Variants in TAFA1 observed in about 807,000 individuals in gnomAD.
The protein encoded by TAFA1 is chemokine-like protein TAFA-1.
A neutral mutation model predicts 18.5 loss-of-function variants in TAFA1; 4 were observed. The observed-to-expected ratio is 0.22, with a 90% CI of 0.11 to 0.49. The LOEUF (loss-of-function observed/expected upper bound fraction) is 0.49, where lower values mean the gene tolerates loss of function less well. Among genes scored for constraint, TAFA1 ranks in the 20% least tolerant of loss-of-function variants. The probability of loss-of-function intolerance (pLI) is 0.98; values close to 1 mark genes in which losing one functional copy is unlikely to be tolerated. For missense variants in TAFA1, 147 were observed against 169.0 expected (o/e 0.87, Z 0.72); for synonymous variants, 56 against 55.2 (o/e 1.01, Z -0.06).
intron 2 of TAFA1, among the ~76,000 whole-genome samples, chr3:68,189,158 T>C (rs996891294): frequency 3.3e-4 from 50 of 151,924 alleles, no homozygotes; most frequent in Admixed American, 9.2e-4. Context: ...TTCCCATGGC[T>C]GGGCACATGG....
chr3:68,049,391 A>G (rs1241790096), intron 2 of TAFA1, among the ~76,000 whole-genome samples: 1 of 152,058 alleles, frequency 6.6e-6, no homozygotes, highest in African/African-American at 2.4e-5. Context: ...CTGCAGATGA[A>G]GAATTATGGT....
Position 68,098,683 on chromosome 3 carries a change from C to T in TAFA1, c.118+91939C>T, listed in dbSNP as rs140532665. ...TAGAGGGAGATACGAATGCTATGAG[C>T]ATATTACTAATAGCCAAAGCAATCC... On this transcript the variant is annotated intron_variant, in intron 2 of 4. Transcript: ENST00000478136. 1.8e-4 allele frequency among the ~76,000 whole-genome samples: 27 copies of T among 151,990 alleles called. No individual in the cohort carries two copies. In the East Asian group the frequency reaches 4.3e-3, roughly 24 times the overall value.
chr3:68,184,683 T>A (rs755808112), intron 2 of TAFA1, among the ~76,000 whole-genome samples: 15 of 152,082 alleles, frequency 9.9e-5, no homozygotes, highest in Non-Finnish European at 2.1e-4. Flanking sequence ...AATATTAGGT[T>A]TGATTAAATG....
chr3:68,292,205 G>A (rs191126451), intron 2 of TAFA1, among the ~76,000 whole-genome samples: 266 of 152,036 alleles, frequency 1.7e-3, no homozygotes, highest in Non-Finnish European at 1.7e-3. Context: ...ATTCTTAGTA[G>A]CTGTGTCTTA....
chr3:68,430,240 T>C (rs1301581696), intron 3 of TAFA1, among the ~76,000 whole-genome samples: 1 of 151,846 alleles, frequency 6.6e-6, no homozygotes. Context: ...AAGCCTGAAA[T>C]GTGAGGTACA....
chr3:68,268,712 T>G (rs919035140), intron 2 of TAFA1, among the ~76,000 whole-genome samples: 1 of 152,272 alleles, frequency 6.6e-6, no homozygotes, highest in Non-Finnish European at 1.5e-5. Flanking sequence ...GATTGACATT[T>G]CCACTCTGCT....
intron 3 of TAFA1, among the ~76,000 whole-genome samples, chr3:68,503,678 T>C (rs980477550): frequency 7.9e-5 from 12 of 152,150 alleles, no homozygotes; most frequent in South Asian, 4.1e-4. Flanking sequence ...TCATGAGTTT[T>C]AGTTATGTGA....
rs1167146239 is a variant in TAFA1 at position 68,473,587 on chromosome 3, G to T, written c.259+56167G>T. Among the ~76,000 whole-genome samples, 3 of 152,206 alleles carry T rather than the reference G, an allele frequency of 2.0e-5. No homozygotes were observed. The East Asian group carries it at 5.8e-4, about 29-fold the overall frequency. ...CAGAGAGCAACAGCCTTGTTGTTTGGTTTGCATCCTTCCCAACCAGAATTG... is the reference window on the plus strand; with the variant it reads ...CAGAGAGCAACAGCCTTGTTGTTTGTTTTGCATCCTTCCCAACCAGAATTG... On this transcript the variant is annotated intron_variant, in intron 3 of 4. Coordinates refer to ENST00000478136, the MANE Select transcript of TAFA1 (RefSeq NM_213609.4).
At chr3:68,359,702 A>T (rs1392915893) in intron 2 of TAFA1, among the ~76,000 whole-genome samples, 1 of 151,982 alleles carries the variant, frequency 6.6e-6, no homozygotes, top group Non-Finnish European at 1.5e-5. Context: ...GCTGTAAAAT[A>T]ATAAATTGGT....
intron 2 of TAFA1, among the ~76,000 whole-genome samples, chr3:68,183,564 C>T (rs1055013051): frequency 3.3e-5 from 5 of 152,066 alleles, no homozygotes; most frequent in African/African-American, 1.2e-4. Flanking sequence ...TATATCTTTT[C>T]TTATTATTTA....
At chr3:68,067,093 C>A (rs1431304899) in intron 2 of TAFA1, among the ~76,000 whole-genome samples, 1 of 152,176 alleles carries the variant, frequency 6.6e-6, no homozygotes, top group East Asian at 1.9e-4. Flanking sequence ...TAGGCTCTAA[C>A]TGTGTCCATA....
At chr3:68,484,606 A>C (rs139564962) in intron 3 of TAFA1, among the ~76,000 whole-genome samples, 1 of 152,302 alleles carries the variant, frequency 6.6e-6, no homozygotes, top group African/African-American at 2.4e-5. Flanking sequence ...GCAGAAGCAG[A>C]ATGAGGAGTT....
At chr3:68,319,900 G>T (rs899840767) in intron 2 of TAFA1, among the ~76,000 whole-genome samples, 2 of 152,042 alleles carry the variant, frequency 1.3e-5, no homozygotes, top group Admixed American at 6.6e-5. Flanking sequence ...GAAATAATTA[G>T]TTATTTTCAT....
intron 2 of TAFA1, among the ~76,000 whole-genome samples, chr3:68,074,688 T>C (rs1197297958): frequency 6.6e-6 from 1 of 152,206 alleles, no homozygotes; most frequent in Non-Finnish European, 1.5e-5. Flanking sequence ...GATGAAATAA[T>C]CTACAAGTCT....
chr3:68,000,792 G>A (rs1389572691), upstream of TAFA1, among the ~76,000 whole-genome samples: 1 of 152,166 alleles, frequency 6.6e-6, no homozygotes, highest in African/African-American at 2.4e-5. Flanking sequence ...GAGGGAGAAA[G>A]TGGATGGATT....
intron 2 of TAFA1, among the ~76,000 whole-genome samples, chr3:68,084,878 A>G (rs186975171): frequency 6.6e-6 from 1 of 151,310 alleles, no homozygotes; most frequent in Non-Finnish European, 1.5e-5. Context: ...CTTCTCTCCT[A>G]TACTCTTTAC....
At chr3:68,191,399 G>A (rs765387076) in intron 2 of TAFA1, among the ~76,000 whole-genome samples, 5 of 151,784 alleles carry the variant, frequency 3.3e-5, no homozygotes, top group Non-Finnish European at 5.9e-5. Context: ...ATGGAAAAAC[G>A]TAACTATGGT....
chr3:68,481,226 A>G (rs1203956170), intron 3 of TAFA1, among the ~76,000 whole-genome samples: 1 of 152,212 alleles, frequency 6.6e-6, no homozygotes, highest in Non-Finnish European at 1.5e-5. Context: ...CAACAAAGCC[A>G]TGAGCTCTTT....
chr3:68,239,204 C>T (rs2066967497), intron 2 of TAFA1, among the ~76,000 whole-genome samples: 1 of 152,022 alleles, frequency 6.6e-6, no homozygotes, highest in Admixed American at 6.6e-5. Context: ...TTTTACCTCC[C>T]TTTTCATTTG....
Sources: gnomAD v4.1 joint callset for allele counts (sites outside exome capture counted in the v4.1 genomes callset) on GRCh38, gnomAD v4.1.1 for gene constraint, MANE v1.5 for transcripts, NCBI Gene and HGNC (gene_info 2026-07-23, HGNC 2026-07-21) for gene names.